The following SMOC2 variants were observed in gnomAD, a reference collection of about 807,000 sequenced individuals.
SMOC2 encodes SPARC related modular calcium binding 2.
In SMOC2, 39 loss-of-function variants were observed where a neutral mutation model predicts 61.4. That is an observed-to-expected ratio of 0.64 (90% confidence interval 0.49 to 0.83). The LOEUF is 0.83. Among genes scored for constraint, SMOC2 ranks in the 40% least tolerant of loss-of-function variants. The probability of loss-of-function intolerance (pLI) is 0.00; values close to 1 mark genes in which losing one functional copy is unlikely to be tolerated. For synonymous variants in SMOC2, 247 were observed against 239.9 expected, an observed-to-expected ratio of 1.03 and a Z score of -0.27; for missense variants, 556 against 592.9, an observed-to-expected ratio of 0.94 and a Z score of 0.65.
intron 1 of SMOC2, among the ~76,000 whole-genome samples, chr6:168,497,666 G>A (rs912807256): frequency 6.5e-4 from 99 of 152,182 alleles, no homozygotes; most frequent in African/African-American, 2.1e-3. Context: ...TTAGGAGCCC[G>A]TGGTCTTGTC....
intron 1 of SMOC2, among the ~76,000 whole-genome samples, chr6:168,472,964 A>G (rs1781996277): frequency 6.6e-6 from 1 of 152,004 alleles, no homozygotes; most frequent in South Asian, 2.1e-4. Context: ...CTGTGATGCT[A>G]CAGCACCGGG....
chr6:168,533,988 G>A (rs984073323), intron 4 of SMOC2, among the ~76,000 whole-genome samples: 6 of 152,274 alleles, frequency 3.9e-5, no homozygotes, highest in South Asian at 4.1e-4. Flanking sequence ...GCTCTTGCTT[G>A]TAATCCCAGC....
At chr6:168,635,079 C>G (rs1296373292) in intron 9 of SMOC2, among the ~76,000 whole-genome samples, 1 of 152,150 alleles carries the variant, frequency 6.6e-6, no homozygotes, top group East Asian at 1.9e-4. Flanking sequence ...ATAAACAGAT[C>G]CCCAGGAAGA....
chr6:168,460,755 T>TA (rs1427205993), intron 1 of SMOC2, among the ~76,000 whole-genome samples: 2 of 152,232 alleles, frequency 1.3e-5, no homozygotes, highest in East Asian at 3.8e-4. Context: ...CAAAGTATCT[T>TA]ACATCCATTA....
chr6:168,498,966 G>T (rs1197292331), intron 1 of SMOC2, among the ~76,000 whole-genome samples: 2 of 142,906 alleles, frequency 1.4e-5, no homozygotes, highest in Admixed American at 1.4e-4. Flanking sequence ...ACAGTCTCTG[G>T]GGGGACAGCC....
At chr6:168,582,792 C>T (rs973937151) in intron 7 of SMOC2, among the ~76,000 whole-genome samples, 1 of 152,208 alleles carries the variant, frequency 6.6e-6, no homozygotes, top group Admixed American at 6.5e-5. Flanking sequence ...TAGTAACATT[C>T]AGAAGACTCA....
At chr6:168,615,227 C>CAG (rs201569777) in intron 9 of SMOC2, among the ~76,000 whole-genome samples, 1 of 93,758 alleles carries the variant, frequency 1.1e-5, no homozygotes, top group African/African-American at 4.4e-5. Context: ...ACAGCCAGCA[C>CAG]GGGGCCTCTT....
intron 2 of SMOC2, among the ~76,000 whole-genome samples, chr6:168,514,573 C>A (rs5016786): frequency 1.3e-5 from 2 of 152,054 alleles, no homozygotes; most frequent in Non-Finnish European, 2.9e-5. Flanking sequence ...AGTTATAAAT[C>A]TCAGCTATCT....
intron 7 of SMOC2, among the ~76,000 whole-genome samples, chr6:168,555,727 G>C (rs1259119828): frequency 6.6e-6 from 1 of 152,212 alleles, no homozygotes; most frequent in African/African-American, 2.4e-5. Context: ...AGACCTCCCA[G>C]CAGCCTGCAG....
chr6:168,453,144 T>G lies in SMOC2; in HGVS notation c.84+11690T>G, dbSNP rs1045472385. On this transcript the variant is annotated intron_variant, in intron 1 of 12. Transcript: ENST00000356284. This position sits in a 1 kb window ranked among gnomAD's most constrained non-coding sequence, Gnocchi z 4.4. Reference sequence around the variant, plus strand: ...AATTCAGGGCAGTGTGGCTTGAATCTGCTGTCCGACGCAGGCAGGTGCAGG... The same window carrying G: ...AATTCAGGGCAGTGTGGCTTGAATCGGCTGTCCGACGCAGGCAGGTGCAGG... Among the ~76,000 whole-genome samples, 1 of 150,732 alleles carries G rather than the reference T, an allele frequency of 6.6e-6. No homozygotes were observed. The highest frequency in any genetic ancestry group is 2.0e-4 in the East Asian group (1 of 5,020).
chr6:168,459,181 C>G (rs537734554), intron 1 of SMOC2, among the ~76,000 whole-genome samples: 1 of 152,326 alleles, frequency 6.6e-6, no homozygotes, highest in South Asian at 2.1e-4. Flanking sequence ...GAGGAAGGTC[C>G]TGGAGCAAAC....
At chr6:168,521,474 C>T (rs1160019006) in intron 2 of SMOC2, among the ~76,000 whole-genome samples, 2 of 152,084 alleles carry the variant, frequency 1.3e-5, no homozygotes, top group African/African-American at 2.4e-5. Flanking sequence ...GATATGTAAA[C>T]AAGCTTGTAA....
intron 1 of SMOC2, among the ~76,000 whole-genome samples, chr6:168,496,856 A>G (rs1446565334): frequency 1.3e-5 from 2 of 152,240 alleles, no homozygotes; most frequent in Non-Finnish European, 2.9e-5. Flanking sequence ...TGTCTGGGCT[A>G]TCGCATAGTG....
intron 1 of SMOC2, among the ~76,000 whole-genome samples, chr6:168,488,534 C>T (rs1001488674): frequency 1.3e-5 from 2 of 152,214 alleles, no homozygotes; most frequent in Non-Finnish European, 2.9e-5. Flanking sequence ...CTGCAGGGTG[C>T]GTCCATCTGC....
chr6:168,528,674 A>G (rs937253186), intron 4 of SMOC2, among the ~76,000 whole-genome samples: 1 of 152,270 alleles, frequency 6.6e-6, no homozygotes, highest in African/African-American at 2.4e-5. Context: ...GGGTGTCCAC[A>G]GTCAGCAATG....
chr6:168,651,912 G>T (rs533293930), intron 10 of SMOC2, among the ~76,000 whole-genome samples: 1 of 151,894 alleles, frequency 6.6e-6, no homozygotes, highest in South Asian at 2.1e-4. Context: ...ATGGTGGCAG[G>T]CACCTGTAAT....
At chr6:168,443,429 G>T (rs1381317490) in intron 1 of SMOC2, among the ~76,000 whole-genome samples, 2 of 152,188 alleles carry the variant, frequency 1.3e-5, no homozygotes, top group Non-Finnish European at 2.9e-5. Flanking sequence ...TGCAGGAGCT[G>T]ATACCCCACG....
intron 2 of SMOC2, among the ~76,000 whole-genome samples, chr6:168,521,727 A>T (rs1301364132): frequency 1.3e-5 from 2 of 152,148 alleles, no homozygotes; most frequent in Non-Finnish European, 2.9e-5. Flanking sequence ...TACGAAAATT[A>T]AAAAATTTGC....
Position 168,537,742 on chromosome 6 carries a change from G to A in SMOC2, c.464-5883G>A, listed in dbSNP as rs76996569. Among the ~76,000 whole-genome samples, 98 of 152,324 alleles carry A rather than the reference G, an allele frequency of 6.4e-4. 1 individual carries two copies. The East Asian group carries it at 0.019, about 29-fold the overall frequency. On this transcript the variant is annotated intron_variant, in intron 4 of 12. Coordinates refer to ENST00000356284, the MANE Select transcript of SMOC2 (RefSeq NM_001166412.2). The stretch of plus-strand genomic sequence containing the variant: ...CTGGCAGGACACCCTCCCTGCCACG[G>A]CCAGTCTTGCAGTCTAAGGAGTGCA...
Sources: gnomAD v4.1 joint callset for allele counts (sites outside exome capture counted in the v4.1 genomes callset) on GRCh38, gnomAD v4.1.1 for gene constraint, Gnocchi (gnomAD v3.1) non-coding constraint, MANE v1.5 for transcripts, NCBI Gene and HGNC (gene_info 2026-07-23, HGNC 2026-07-21) for gene names.